DLGAP1: variants seen among roughly 807,000 people sequenced by gnomAD.
DLGAP1 encodes the protein disks large-associated protein 1.
A neutral mutation model predicts 90.8 loss-of-function variants in DLGAP1; 11 were observed. That is an observed-to-expected ratio of 0.12 (90% CI 0.08 to 0.20). The LOEUF (loss-of-function observed/expected upper bound fraction) is 0.20, where lower values mean the gene tolerates loss of function less well. Ranked by LOEUF, DLGAP1 falls within the 10% of genes least tolerant of loss-of-function variation. DLGAP1 has a pLI of 1.00. For missense variants in DLGAP1, 1,050 were observed against 1,333.8 expected (o/e 0.79, Z 3.31); for synonymous variants, 558 against 540.7 (o/e 1.03, Z -0.44).
intron 7 of DLGAP1, among the ~76,000 whole-genome samples, chr18:3,627,998 C>T (rs1351368260): frequency 6.6e-6 from 1 of 151,250 alleles, no homozygotes; most frequent in Non-Finnish European, 1.5e-5. Context: ...CCTGCCACAG[C>T]CTCCCGAGTA....
At chr18:4,126,767 A>G (rs557151344) in intron 2 of DLGAP1, among the ~76,000 whole-genome samples, 3 of 152,288 alleles carry the variant, frequency 2.0e-5, no homozygotes, top group African/African-American at 7.2e-5. Flanking sequence ...ATGGTGCTTC[A>G]AGATTTTTAT....
At position 3,728,090 on chromosome 18, in the gene DLGAP1, A is replaced by T. The variant is rs78666655; in HGVS notation, c.1591+1045T>A. On this transcript the variant is annotated intron_variant, in intron 7 of 12. Coordinates refer to ENST00000315677, the MANE Select transcript of DLGAP1 (RefSeq NM_004746.4). ...GCCTGCGGAAGTTCTAGACTGAATG[A>T]TAATTACTGACATTTGATGCACCTA... Among the ~76,000 whole-genome samples, 1,261 of 152,252 alleles carry T rather than the reference A, an allele frequency of 8.3e-3. 26 individuals are homozygous for T. The highest frequency in any genetic ancestry group is 0.029 in the African/African-American group (1,222 of 41,558).
intron 2 of DLGAP1, among the ~76,000 whole-genome samples, chr18:4,048,713 A>G (rs904775825): frequency 2.0e-5 from 3 of 152,214 alleles, no homozygotes; most frequent in African/African-American, 7.2e-5. Context: ...AGTGCCAGCC[A>G]TTATGAAAAG....
intron 2 of DLGAP1, among the ~76,000 whole-genome samples, chr18:4,146,207 T>C (rs2076582899): frequency 6.6e-6 from 1 of 152,212 alleles, no homozygotes; most frequent in Admixed American, 6.5e-5. Flanking sequence ...AGATGCCGGA[T>C]TTATTTTATA....
chr18:3,863,574 A>C (rs527520608), intron 4 of DLGAP1, among the ~76,000 whole-genome samples: 2 of 152,294 alleles, frequency 1.3e-5, no homozygotes, highest in African/African-American at 2.4e-5. Context: ...GAGGCATCTA[A>C]ATTCTCTGGG....
intron 2 of DLGAP1, among the ~76,000 whole-genome samples, chr18:4,109,163 C>T (rs1164225344): frequency 8.4e-6 from 1 of 118,428 alleles, no homozygotes; most frequent in Non-Finnish European, 1.8e-5. Flanking sequence ...CCATCCGCAA[C>T]TGGCACTCGG....
intron 1 of DLGAP1, among the ~76,000 whole-genome samples, chr18:4,419,599 T>C (rs2082981747): frequency 2.0e-5 from 3 of 152,152 alleles, no homozygotes. Flanking sequence ...ATATTGTATG[T>C]TTGTAGCATA....
At chr18:4,119,956 T>TA (rs1286131232) in intron 2 of DLGAP1, among the ~76,000 whole-genome samples, 1 of 152,148 alleles carries the variant, frequency 6.6e-6, no homozygotes, top group East Asian at 1.9e-4. Flanking sequence ...CTTTGAGGTT[T>TA]AAAAAAAGCC....
chr18:3,611,687 G>T (rs1010165969), intron 7 of DLGAP1, among the ~76,000 whole-genome samples: 1 of 152,166 alleles, frequency 6.6e-6, no homozygotes, highest in Admixed American at 6.5e-5. Flanking sequence ...GTGGACCCCT[G>T]CCAGTGGTTT....
In DLGAP1 at chr18:4,262,744, T is replaced by C. The variant is rs186329963; in HGVS notation, c.-266-111457A>G. On this transcript the variant is annotated intron_variant, in intron 1 of 12. Transcript: ENST00000315677. The stretch of plus-strand genomic sequence containing the variant: ...TGAACCACCCTCAGTAATCCCTAGT[T>C]ATGTGTCCCTGGCAAATTTACTCAA... Among the ~76,000 whole-genome samples, 182 of 152,204 alleles carry C rather than the reference T, an allele frequency of 1.2e-3. 2 individuals carry two copies. The highest frequency in any genetic ancestry group is 9.7e-3 in the Admixed American group (149 of 15,288).
At chr18:4,417,848 AGTGTG>A (rs887097923) in intron 1 of DLGAP1, among the ~76,000 whole-genome samples, 1 of 152,180 alleles carries the variant, frequency 6.6e-6, no homozygotes, top group Non-Finnish European at 1.5e-5. Flanking sequence ...TCTGTCTAAT[AGTGTG>A]GTGAAATGAG....
intron 5 of DLGAP1, among the ~76,000 whole-genome samples, chr18:3,747,575 C>T (rs2063323120): frequency 6.6e-6 from 1 of 152,108 alleles, no homozygotes; most frequent in Non-Finnish European, 1.5e-5. Flanking sequence ...GTTATCAGGG[C>T]AGTGACGGGA....
At chr18:3,564,454 C>T (rs2054322423) in intron 9 of DLGAP1, among the ~76,000 whole-genome samples, 1 of 152,262 alleles carries the variant, frequency 6.6e-6, no homozygotes, top group Admixed American at 6.5e-5. Context: ...AAACCCCAGC[C>T]AGCAAAAGGT....
chr18:3,729,035 C>A lies in DLGAP1; in HGVS notation c.1591+100G>T, dbSNP rs1196427215. ...TGTAGGACATGGGTGGTATCTTGTT[C>A]CTGGCAACTATGTGTGTTGACAGCA... On this transcript the variant is annotated intron_variant, in intron 7 of 12. Transcript: ENST00000315677. This position sits in a 1 kb window ranked among gnomAD's most constrained non-coding sequence, Gnocchi z 6.2. The A allele has an allele frequency of 1.4e-6, 2 of 1,478,994 alleles. No homozygotes were observed. Among genetic ancestry groups the A allele is most frequent in the Non-Finnish European group, 1.8e-6 (2 of 1,111,788 alleles). The allele number at this position is 1,478,994 out of a possible 1,614,324, so 91.6% of individuals were successfully genotyped here.
intron 1 of DLGAP1, among the ~76,000 whole-genome samples, chr18:4,198,938 A>G (rs1197675412): frequency 2.0e-5 from 3 of 152,192 alleles, no homozygotes; most frequent in African/African-American, 7.2e-5. Flanking sequence ...CATCGTAGTG[A>G]GAGGTGTGCA....
At chr18:3,755,300 T>C (rs1837915113) in intron 5 of DLGAP1, among the ~76,000 whole-genome samples, 1 of 152,036 alleles carries the variant, frequency 6.6e-6, no homozygotes, top group African/African-American at 2.4e-5. Flanking sequence ...GAAATAATTA[T>C]ATTACATGCA....
intron 7 of DLGAP1, among the ~76,000 whole-genome samples, chr18:3,634,694 T>C (rs1360036295): frequency 6.6e-6 from 1 of 152,230 alleles, no homozygotes; most frequent in Non-Finnish European, 1.5e-5. Flanking sequence ...TATGCTGTTA[T>C]AGTCAACCAC....
At chr18:4,436,281 T>C (rs1022612263) in intron 1 of DLGAP1, among the ~76,000 whole-genome samples, 2 of 152,074 alleles carry the variant, frequency 1.3e-5, no homozygotes, top group African/African-American at 4.8e-5. Context: ...GATGTATAAA[T>C]ATAAGTGCCT....
At chr18:3,969,813 T>C (rs1032276385) in intron 3 of DLGAP1, among the ~76,000 whole-genome samples, 2 of 152,188 alleles carry the variant, frequency 1.3e-5, no homozygotes, top group African/African-American at 2.4e-5. Context: ...TAGCCAGCGA[T>C]GATCCTTATA....
Sources: allele counts gnomAD v4.1 joint callset (sites outside exome capture counted in the v4.1 genomes callset), GRCh38; gene constraint gnomAD v4.1.1; non-coding constraint Gnocchi (gnomAD v3.1); transcripts MANE v1.5; gene names NCBI Gene and HGNC (gene_info 2026-07-23, HGNC 2026-07-21).